HSF5: variants seen among roughly 807,000 people sequenced by gnomAD.
HSF5 encodes the protein heat shock transcription factor 5.
Under a neutral mutation model 50.8 loss-of-function variants are expected in HSF5, and 5 were observed. The observed-to-expected ratio is 0.10, with a 90% CI of 0.05 to 0.21. HSF5 has a LOEUF of 0.21. Ranked by LOEUF, HSF5 falls within the 10% of genes least tolerant of loss-of-function variation. HSF5 has a pLI of 1.00. For synonymous variants in HSF5, 307 were observed against 307.4 expected, an observed-to-expected ratio of 1.00 and a Z score of 0.02; for missense variants, 564 against 762.6, an observed-to-expected ratio of 0.74 and a Z score of 3.07.
chr17:58,475,294 G>A lies in HSF5; in HGVS notation c.925+4599C>T, dbSNP rs148029088. ...GTCACCAGATTTATAATTTTGTTTT[G>A]TGTGTACACATTTAGTTTTATCGTA... On this transcript the variant is annotated intron_variant, in intron 2 of 5. Transcript: ENST00000323777. Among the ~76,000 whole-genome samples, 15 of 152,288 alleles carry A rather than the reference G, an allele frequency of 9.8e-5. No individual in the cohort carries two copies. In the East Asian group the frequency reaches 2.3e-3, roughly 23 times the overall value.
intron 5 of HSF5, among the ~76,000 whole-genome samples, chr17:58,442,559 T>C (rs1201399204): frequency 6.6e-6 from 1 of 152,204 alleles, no homozygotes; most frequent in Non-Finnish European, 1.5e-5. Context: ...TAGTGCAAAA[T>C]TTTGTCCAAT....
intron 2 of HSF5, chr17:58,476,277 A>G: frequency 1.0e-6 from 1 of 975,304 alleles, no homozygotes; most frequent in Non-Finnish European, 1.6e-6. Context: ...CATCATCCAT[A>G]TCAGGAACCA....
chr17:58,447,820 C>CTCTA (rs1974580809), intron 5 of HSF5, among the ~76,000 whole-genome samples: 1 of 152,166 alleles, frequency 6.6e-6, no homozygotes. Flanking sequence ...ATACCTAACT[C>CTCTA]TCTAATGCCC....
chr17:58,454,993 CA>C (rs1357274751), intron 5 of HSF5, among the ~76,000 whole-genome samples: 4 of 152,014 alleles, frequency 2.6e-5, no homozygotes, highest in Admixed American at 6.6e-5. Flanking sequence ...ATTCATATAG[CA>C]ATACAAAAGA....
At chr17:58,484,318 G>A (rs1300969237) in intron 1 of HSF5, among the ~76,000 whole-genome samples, 3 of 151,966 alleles carry the variant, frequency 2.0e-5, no homozygotes, top group Admixed American at 6.6e-5. Flanking sequence ...TCAACAAACA[G>A]TAATCTTTAA....
At chr17:58,451,135 G>A (rs1166840478) in intron 5 of HSF5, among the ~76,000 whole-genome samples, 1 of 152,036 alleles carries the variant, frequency 6.6e-6, no homozygotes, top group Non-Finnish European at 1.5e-5. Context: ...ACAGCAGGAG[G>A]ATATAAAAGT....
chr17:58,483,885 A>G (rs1194973052), intron 1 of HSF5, among the ~76,000 whole-genome samples: 2 of 152,190 alleles, frequency 1.3e-5, no homozygotes, highest in African/African-American at 4.8e-5. Flanking sequence ...CAACCCATAC[A>G]CTGAAATAGA....
chr17:58,470,581 C>A (rs1483952500), intron 2 of HSF5, among the ~76,000 whole-genome samples: 5 of 152,058 alleles, frequency 3.3e-5, no homozygotes, highest in African/African-American at 7.3e-5. Context: ...GAGGGTTGCA[C>A]AATATTGTGA....
At chr17:58,434,940 G>C (rs550093056) in intron 5 of HSF5, among the ~76,000 whole-genome samples, 2 of 152,190 alleles carry the variant, frequency 1.3e-5, no homozygotes, top group Non-Finnish European at 2.9e-5. Context: ...TACACCAAAG[G>C]GGACAGGATT....
rs117515426 is a variant in HSF5, at chr17:58,433,426, T to C, written c.1721-10996A>G. 9.9e-5 allele frequency among the ~76,000 whole-genome samples: 15 copies of C among 152,240 alleles called. No individual in the cohort carries two copies. The East Asian group carries it at 2.3e-3, about 23-fold the overall frequency. On this transcript the variant is annotated intron_variant, in intron 5 of 5. Transcript: ENST00000323777. ...GTATACAAGTGAGGTTCAGAGAAGA[T>C]TGAGACTTAAGATACAGATTTCGGA...
At chr17:58,471,281 G>A (rs1974939735) in intron 2 of HSF5, among the ~76,000 whole-genome samples, 1 of 152,034 alleles carries the variant, frequency 6.6e-6, no homozygotes, top group East Asian at 1.9e-4. Flanking sequence ...GTTTCTCCTG[G>A]CAGAGGAGAG....
At chr17:58,474,071 T>C (rs1463078768) in intron 2 of HSF5, among the ~76,000 whole-genome samples, 2 of 152,196 alleles carry the variant, frequency 1.3e-5, no homozygotes, top group Admixed American at 6.5e-5. Context: ...CTGGAACTCC[T>C]GGCCTTAAGT....
intron 2 of HSF5, among the ~76,000 whole-genome samples, chr17:58,468,502 A>G (rs568265128): frequency 1.3e-5 from 2 of 152,288 alleles, no homozygotes; most frequent in African/African-American, 4.8e-5. Flanking sequence ...CTTGCCGAAT[A>G]TCTTTAAAGG....
intron 5 of HSF5, among the ~76,000 whole-genome samples, chr17:58,452,431 A>T (rs1000249271): frequency 1.3e-4 from 20 of 152,266 alleles, no homozygotes; most frequent in African/African-American, 4.8e-4. Context: ...TCCTGAACAC[A>T]TAAAATGTAT....
chr17:58,472,795 C>T (rs1415365732), intron 2 of HSF5, among the ~76,000 whole-genome samples: 2 of 152,120 alleles, frequency 1.3e-5, no homozygotes, highest in East Asian at 3.9e-4. Flanking sequence ...GAGGCAGCCC[C>T]ACTCCCCAGA....
intron 2 of HSF5, among the ~76,000 whole-genome samples, chr17:58,471,938 C>T (rs1160420617): frequency 2.0e-5 from 3 of 151,992 alleles, no homozygotes; most frequent in African/African-American, 4.8e-5. Flanking sequence ...ACTGCAGCCT[C>T]GGCCTCCCGG....
At chr17:58,424,516 G>C (rs1488841850) in intron 5 of HSF5, among the ~76,000 whole-genome samples, 3 of 151,962 alleles carry the variant, frequency 2.0e-5, no homozygotes, top group African/African-American at 7.3e-5. Flanking sequence ...GGAGGCTGAG[G>C]CAGGAGAATT....
At chr17:58,479,793 T>G (rs1975073010) in intron 2 of HSF5, 100 bp downstream of exon 2, 2 of 1,029,780 alleles carry the variant, frequency 1.9e-6, no homozygotes, top group Non-Finnish European at 2.8e-6. Flanking sequence ...TCCTACTGTT[T>G]GTGTTAAAGC....
intron 5 of HSF5, among the ~76,000 whole-genome samples, chr17:58,446,484 C>T (rs997057999): frequency 2.6e-5 from 4 of 152,204 alleles, no homozygotes; most frequent in Admixed American, 1.3e-4. Context: ...CAGCAAAATA[C>T]AGCAAGGGGC....
Sources: allele counts gnomAD v4.1 joint callset (sites outside exome capture counted in the v4.1 genomes callset), GRCh38; gene constraint gnomAD v4.1.1; transcripts MANE v1.5; gene names NCBI Gene and HGNC (gene_info 2026-07-23, HGNC 2026-07-21).